RUNX1: variants seen among roughly 807,000 people sequenced by gnomAD.
RUNX1 encodes the protein runt-related transcription factor 1.
RUNX1 carries 19 observed loss-of-function variants against 42.8 expected under a neutral mutation model. That is an observed-to-expected ratio of 0.44 (90% CI 0.31 to 0.65). The LOEUF (loss-of-function observed/expected upper bound fraction) is 0.65. Ranked by LOEUF, RUNX1 falls within the 30% of genes least tolerant of loss-of-function variation. The pLI is 0.07. For synonymous variants in RUNX1, 271 were observed against 289.4 expected (o/e 0.94, Z 0.64); for missense variants, 528 against 672.0 (o/e 0.79, Z 2.37).
chr21:35,044,610 A>C (rs1254689772), intron 2 of RUNX1, among the ~76,000 whole-genome samples: 2 of 152,228 alleles, frequency 1.3e-5, no homozygotes, highest in African/African-American at 4.8e-5. Context: ...GTGTCATCTG[A>C]GCACATTCCC....
chr21:34,986,459 T>C (rs1397083426), intron 2 of RUNX1, among the ~76,000 whole-genome samples: 3 of 151,138 alleles, frequency 2.0e-5, no homozygotes, highest in African/African-American at 7.3e-5. Context: ...AAAGCCATGG[T>C]TCCCTATGTG....
In RUNX1 at chr21:34,790,596, T is replaced by C; in HGVS notation, c.*1539A>G. On this transcript the variant is annotated 3_prime_UTR_variant, in exon 9 of 9. Coordinates refer to ENST00000675419, the MANE Select transcript of RUNX1 (RefSeq NM_001754.5). ...CACGGACAGTAGTGACATGAATCTT[T>C]CCTGTCACACTGGTGCACAGGTAAA... 4.3e-6 allele frequency: 1 copy of C among 233,322 alleles called. No homozygotes were observed. 14.5% of individuals were successfully genotyped at this position (233,322 alleles called of 1,614,324 possible). A position where few individuals can be genotyped will look rare whatever the true frequency, so the allele number is the denominator to read the frequency against.
chr21:34,862,310 C>G (rs1250180320), intron 5 of RUNX1, among the ~76,000 whole-genome samples: 1 of 152,184 alleles, frequency 6.6e-6, no homozygotes, highest in Non-Finnish European at 1.5e-5. Flanking sequence ...GCCTGAGATG[C>G]CCATAGCCAT....
At position 34,859,989 on chromosome 21, in the gene RUNX1, C is replaced by T. The variant is rs1406700430; in HGVS notation, c.509-411G>A. ...AACCATATCCATCTTTCTCTTCTTA[C>T]TTTGTACCTTTGAAGATCAGGAAAG... is the stretch of plus-strand genomic sequence containing the variant. On this transcript the variant is annotated intron_variant, in intron 5 of 8. Transcript: ENST00000675419. 4.6e-5 allele frequency among the ~76,000 whole-genome samples: 7 copies of T among 152,314 alleles called. 1 individual carries two copies. The highest frequency in any genetic ancestry group is 4.6e-4 in the Admixed American group (7 of 15,298).
rs2146237093 is a variant in RUNX1, at chr21:34,859,584, G to T, written c.509-6C>A. 1 of 1,609,584 alleles carries T rather than the reference G, an allele frequency of 6.2e-7. No homozygotes were observed. Among genetic ancestry groups the T allele is most frequent in the South Asian group, 1.1e-5 (1 of 90,988 alleles). The stretch of plus-strand genomic sequence containing the variant: ...GGTCAGAGTGAAGCTTTTCCCTGTG[G>T]GGACACGATAGAGAACAAAACAGAA... On this transcript the variant is annotated splice_region_variant and splice_polypyrimidine_tract_variant and intron_variant, in intron 5 of 8. Transcript: ENST00000675419.
At chr21:34,801,467 A>G (rs2056606987) in intron 7 of RUNX1, among the ~76,000 whole-genome samples, 1 of 152,252 alleles carries the variant, frequency 6.6e-6, no homozygotes, top group African/African-American at 2.4e-5. Context: ...CCTTTAAAAA[A>G]TATGCTTTGG....
intron 3 of RUNX1, among the ~76,000 whole-genome samples, chr21:34,889,287 C>T (rs868444735): frequency 6.6e-6 from 1 of 152,148 alleles, no homozygotes; most frequent in African/African-American, 2.4e-5. Context: ...CGGCTGGCAG[C>T]TGCGGCGAAG....
Position 34,792,014 on chromosome 21 carries a change from C to G in RUNX1, c.*121G>C, listed in dbSNP as rs549844608. 6,753 of 607,380 alleles carry G rather than the reference C, an allele frequency of 0.011. 77 individuals carry two copies. Among genetic ancestry groups the G allele is most frequent in the Non-Finnish European group, 0.015 (5,914 of 386,424 alleles). The allele number at this position is 607,380 out of a possible 1,614,324, so 37.6% of individuals were successfully genotyped here. A position where few individuals can be genotyped will look rare whatever the true frequency, so the allele number is the denominator to read the frequency against. On this transcript the variant is annotated 3_prime_UTR_variant, in exon 9 of 9. Transcript: ENST00000675419. This position sits in a 1 kb window ranked among gnomAD's most constrained non-coding sequence, Gnocchi z 6.9. ...ATCCTGGCCGTCGGGCGCCCTCGGC[C>G]CCAGGACGGTGGCCGGGCCCAGGGC... is the stretch of plus-strand genomic sequence containing the variant.
At chr21:35,048,360 C>T (rs372899983) in intron 2 of RUNX1, among the ~76,000 whole-genome samples, 11 of 152,210 alleles carry the variant, frequency 7.2e-5, no homozygotes, top group East Asian at 1.9e-4. Flanking sequence ...TGAGAGCCTC[C>T]GCCTCCTGCC....
chr21:34,803,363 C>T (rs1202245306), intron 7 of RUNX1, among the ~76,000 whole-genome samples: 5 of 151,998 alleles, frequency 3.3e-5, no homozygotes, highest in East Asian at 3.9e-4. Flanking sequence ...CTCGCTAACA[C>T]GGTGAAACCC....
chr21:34,889,109 G>A (rs1425322581), intron 3 of RUNX1, among the ~76,000 whole-genome samples: 1 of 150,732 alleles, frequency 6.6e-6, no homozygotes, highest in Non-Finnish European at 1.5e-5. Context: ...GGCCCCGCGA[G>A]CCGCTGCAGG....
At position 34,901,439 on chromosome 21, in the gene RUNX1, G is replaced by T. The variant is rs1188265167; in HGVS notation, c.59-8476C>A. The stretch of plus-strand genomic sequence containing the variant: ...AAGGCGGGAGAATCGCTTGAACTCG[G>T]AAGGCGGAGGTTGCAGTGAGCTGAG... On this transcript the variant is annotated intron_variant, in intron 2 of 8. Transcript: ENST00000675419. The surrounding 1 kb of genome is among the most constrained non-coding windows in gnomAD (Gnocchi z 4.3). Among the ~76,000 whole-genome samples, 1 of 152,154 alleles carries T rather than the reference G, an allele frequency of 6.6e-6. No homozygotes were observed. The highest frequency in any genetic ancestry group is 2.4e-5 in the African/African-American group (1 of 41,414).
intron 2 of RUNX1, among the ~76,000 whole-genome samples, chr21:34,987,191 T>A (rs978331895): frequency 6.6e-6 from 1 of 152,216 alleles, no homozygotes; most frequent in Admixed American, 6.5e-5. Context: ...GGTTTCCAGG[T>A]CAGACAGTCA....
chr21:34,930,818 T>C (rs1051904805), intron 2 of RUNX1, among the ~76,000 whole-genome samples: 1 of 152,110 alleles, frequency 6.6e-6, no homozygotes, highest in Non-Finnish European at 1.5e-5. Flanking sequence ...AAGTGAACCA[T>C]ATATAGAAGT....
intron 6 of RUNX1, among the ~76,000 whole-genome samples, chr21:34,852,721 G>T (rs747362915): frequency 1.3e-5 from 2 of 152,092 alleles, no homozygotes; most frequent in Non-Finnish European, 2.9e-5. Flanking sequence ...TAGGTGGGAG[G>T]GGAGGAAGAA....
intron 7 of RUNX1, among the ~76,000 whole-genome samples, chr21:34,817,873 C>T (rs1044500068): frequency 2.0e-5 from 3 of 152,178 alleles, no homozygotes; most frequent in Non-Finnish European, 2.9e-5. Flanking sequence ...GACTCCTGCC[C>T]GGGGCCGCCT....
Position 34,907,281 on chromosome 21 carries a change from G to A in RUNX1, c.59-14318C>T, listed in dbSNP as rs187197424. ...CTTCTAATTTAGCAAAAAGAAGTATGCTGCCATGTGAAAAGTTTCTAAACA... is the reference window on the plus strand; with the variant it reads ...CTTCTAATTTAGCAAAAAGAAGTATACTGCCATGTGAAAAGTTTCTAAACA... On this transcript the variant is annotated intron_variant, in intron 2 of 8. Transcript: ENST00000675419. The surrounding 1 kb of genome is among the most constrained non-coding windows in gnomAD (Gnocchi z 5.3). Among the ~76,000 whole-genome samples the A allele has an allele frequency of 6.6e-6, 1 of 152,296 alleles. No homozygotes were observed. The highest frequency in any genetic ancestry group is 1.9e-4 in the East Asian group (1 of 5,184).
At chr21:34,931,335 T>TG (rs2058443285) in intron 2 of RUNX1, among the ~76,000 whole-genome samples, 1 of 141,838 alleles carries the variant, frequency 7.1e-6, no homozygotes, top group South Asian at 2.1e-4. Flanking sequence ...TATATACACA[T>TG]TTATATATAT....
At chr21:34,829,635 C>T (rs531535623) in intron 7 of RUNX1, among the ~76,000 whole-genome samples, 1 of 152,310 alleles carries the variant, frequency 6.6e-6, no homozygotes, top group South Asian at 2.1e-4. Context: ...ATTAATTTCT[C>T]ACATTCTGAA....
Sources: gnomAD v4.1 joint callset for allele counts (sites outside exome capture counted in the v4.1 genomes callset) on GRCh38, gnomAD v4.1.1 for gene constraint, Gnocchi (gnomAD v3.1) non-coding constraint, MANE v1.5 for transcripts, NCBI Gene and HGNC (gene_info 2026-07-23, HGNC 2026-07-21) for gene names.